GLI3: variants seen among roughly 807,000 people sequenced by gnomAD.
GLI3 encodes the protein GLI family zinc finger 3, also known as transcription activator GLI3.
A neutral mutation model predicts 100.8 loss-of-function variants in GLI3; 20 were observed. The ratio of observed to expected loss-of-function variants is 0.20; its 90% CI spans 0.14 to 0.29. GLI3 has a LOEUF of 0.29. Among genes scored for constraint, GLI3 ranks in the 10% least tolerant of loss-of-function variants. The pLI is 1.00. For missense variants in GLI3, 2,040 were observed against 2,128.5 expected (o/e 0.96, Z 0.82); for synonymous variants, 938 against 860.5 (o/e 1.09, Z -1.58).
intron 1 of GLI3, among the ~76,000 whole-genome samples, chr7:42,263,564 A>C (rs1054055686): frequency 6.6e-6 from 1 of 151,830 alleles, no homozygotes; most frequent in Non-Finnish European, 1.5e-5. Flanking sequence ...CTCCTGCCCC[A>C]GCCTCTGGAG....
At chr7:42,251,167 T>C (rs1583675793) in intron 1 of GLI3, among the ~76,000 whole-genome samples, 2 of 152,314 alleles carry the variant, frequency 1.3e-5, no homozygotes, top group East Asian at 3.9e-4. Context: ...TAAGAGGGCC[T>C]CTGGTCCAGC....
chr7:42,145,073 C>T (rs927289808), intron 3 of GLI3, among the ~76,000 whole-genome samples: 3 of 152,150 alleles, frequency 2.0e-5, no homozygotes, highest in African/African-American at 7.2e-5. Flanking sequence ...TTTCTTCATA[C>T]ACTAAAAAAT....
chr7:42,029,512 A>G (rs1789221753), intron 7 of GLI3, among the ~76,000 whole-genome samples: 1 of 152,126 alleles, frequency 6.6e-6, no homozygotes, highest in Non-Finnish European at 1.5e-5. Flanking sequence ...GATTCTCCTG[A>G]GGTTTTCCCA....
chr7:42,260,404 T>C (rs1189755086), intron 1 of GLI3, among the ~76,000 whole-genome samples: 1 of 152,220 alleles, frequency 6.6e-6, no homozygotes, highest in East Asian at 1.9e-4. Context: ...GTTATACTTC[T>C]CTGGTAAGAT....
intron 2 of GLI3, among the ~76,000 whole-genome samples, chr7:42,222,124 A>T (rs1261447217): frequency 6.6e-6 from 1 of 152,228 alleles, no homozygotes; most frequent in Non-Finnish European, 1.5e-5. Flanking sequence ...ATATGCCCTT[A>T]GAGTCTAATG....
At chr7:42,212,249 A>G (rs1788286579) in intron 2 of GLI3, among the ~76,000 whole-genome samples, 1 of 152,240 alleles carries the variant, frequency 6.6e-6, no homozygotes, top group South Asian at 2.1e-4. Context: ...CAAGGGGAAA[A>G]TATTAGGTAG....
At chr7:42,095,985 A>G (rs1785329718) in intron 3 of GLI3, among the ~76,000 whole-genome samples, 1 of 152,176 alleles carries the variant, frequency 6.6e-6, no homozygotes, top group South Asian at 2.1e-4. Flanking sequence ...GAGACACAGG[A>G]CAACCACCAG....
Position 42,114,519 on chromosome 7 carries a change from G to A in GLI3, c.367+33707C>T, listed in dbSNP as rs555961356. Among the ~76,000 whole-genome samples the A allele has an allele frequency of 3.9e-5, 6 of 152,220 alleles. No individual in the cohort carries two copies. In the South Asian group the frequency reaches 8.3e-4, roughly 21 times the overall value. On this transcript the variant is annotated intron_variant, in intron 3 of 14. Coordinates refer to ENST00000395925, the MANE Select transcript of GLI3 (RefSeq NM_000168.6). ...ATTGAATTGGTTATTAGGGTAAAGA[G>A]GCTTAGGAAAAAGAAATGTGTCCTT...
chr7:42,069,246 G>C (rs866556517), intron 4 of GLI3, among the ~76,000 whole-genome samples: 3 of 152,182 alleles, frequency 2.0e-5, no homozygotes, highest in Middle Eastern at 3.2e-3. Flanking sequence ...ACCGAATTCA[G>C]TATTTCAGTC....
At chr7:42,181,150 G>A (rs1007797494) in intron 2 of GLI3, among the ~76,000 whole-genome samples, 1 of 152,122 alleles carries the variant, frequency 6.6e-6, no homozygotes, top group Non-Finnish European at 1.5e-5. Context: ...TCCAACTATG[G>A]TTTGCCAACT....
intron 2 of GLI3, among the ~76,000 whole-genome samples, chr7:42,173,014 C>T (rs972266811): frequency 6.6e-6 from 1 of 152,218 alleles, no homozygotes; most frequent in African/African-American, 2.4e-5. Context: ...GTAGTGCCTG[C>T]CCTCTGCAGG....
At chr7:42,246,087 A>G (rs6463095) in intron 1 of GLI3, among the ~76,000 whole-genome samples, 61,995 of 151,958 alleles carry the variant, frequency 0.41, 12,894 homozygotes, top group Middle Eastern at 0.57. Flanking sequence ...AACTCTGAAA[A>G]ACCACTGTGC....
At chr7:42,019,575 A>T (rs1183695783) in intron 10 of GLI3, among the ~76,000 whole-genome samples, 2 of 152,148 alleles carry the variant, frequency 1.3e-5, no homozygotes, top group African/African-American at 2.4e-5. Context: ...ACCAAACGAC[A>T]CTTTGAGAGT....
chr7:42,185,370 C>A (rs1787698308), intron 2 of GLI3, among the ~76,000 whole-genome samples: 1 of 152,230 alleles, frequency 6.6e-6, no homozygotes, highest in Non-Finnish European at 1.5e-5. Context: ...CCCTATCACC[C>A]ACTCATGCTC....
intron 10 of GLI3, among the ~76,000 whole-genome samples, chr7:42,011,461 T>C (rs1003286934): frequency 6.6e-6 from 1 of 152,146 alleles, no homozygotes; most frequent in East Asian, 1.9e-4. Context: ...AACTTGTAAA[T>C]GAATGTTCAT....
intron 10 of GLI3, among the ~76,000 whole-genome samples, chr7:41,981,150 A>G (rs1359404322): frequency 1.3e-5 from 2 of 152,186 alleles, no homozygotes; most frequent in Non-Finnish European, 2.9e-5. Flanking sequence ...AGAAGAACAG[A>G]GCCTGGTGCC....
chr7:42,255,325 T>G (rs1215744322), intron 1 of GLI3, among the ~76,000 whole-genome samples: 1 of 152,194 alleles, frequency 6.6e-6, no homozygotes, highest in Non-Finnish European at 1.5e-5. Context: ...ACAGCTTTAT[T>G]AAAGTATAAT....
At position 42,237,148 on chromosome 7, in the gene GLI3, CG is replaced by C. The variant is rs1788822622; in HGVS notation, c.-221del. 1 of 148,966 alleles carries C rather than the reference CG, an allele frequency of 6.7e-6. No individual in the cohort carries two copies. The allele number at this position is 148,966 out of a possible 1,614,324, so 9.2% of individuals were successfully genotyped here. A position where few individuals can be genotyped will look rare whatever the true frequency, so the allele number is the denominator to read the frequency against. On this transcript the variant is annotated 5_prime_UTR_variant, in exon 1 of 15. Coordinates refer to ENST00000395925, the MANE Select transcript of GLI3 (RefSeq NM_000168.6). ...GCGGCGCGGGCGGCCGCGGGGCGCG[CG>C]GGGAAGGCGGGAGAGCGGCGCGGGT... is the stretch of plus-strand genomic sequence containing the variant.
chr7:41,983,253 C>T (rs763360136), intron 10 of GLI3, among the ~76,000 whole-genome samples: 18 of 152,094 alleles, frequency 1.2e-4, no homozygotes, highest in Admixed American at 3.3e-4. Flanking sequence ...GAGGTACGTT[C>T]TAGTGCCAGA....
Sources: gnomAD v4.1 joint callset for allele counts (sites outside exome capture counted in the v4.1 genomes callset) on GRCh38, gnomAD v4.1.1 for gene constraint, MANE v1.5 for transcripts, NCBI Gene and HGNC (gene_info 2026-07-23, HGNC 2026-07-21) for gene names.